Variants in MMAA observed in about 807,000 individuals in gnomAD.
The protein encoded by MMAA is methylmalonic aciduria type A protein, mitochondrial.
MMAA carries 41 observed loss-of-function variants against 45.0 expected under a neutral mutation model. The observed-to-expected ratio is 0.91, with a 90% CI of 0.71 to 1.18. The LOEUF is 1.18. MMAA is among the 50% of genes most tolerant of loss of function. The pLI is 0.00. For synonymous variants in MMAA, 154 were observed against 178.2 expected, an observed-to-expected ratio of 0.86 and a Z score of 1.08; for missense variants, 460 against 495.7, an observed-to-expected ratio of 0.93 and a Z score of 0.68.
intron 1 of MMAA, among the ~76,000 whole-genome samples, chr4:145,629,950 C>A (rs890531171): frequency 7.2e-5 from 11 of 152,082 alleles, no homozygotes; most frequent in Admixed American, 6.5e-4. Flanking sequence ...AGAGCCACAC[C>A]ATATCAAGCC....
At chr4:145,646,232 TG>T in intron 4 of MMAA, 76 bp downstream of exon 4, 2 of 1,557,436 alleles carry the variant, frequency 1.3e-6, no homozygotes, top group Non-Finnish European at 1.8e-6. Context: ...AACTTATTTT[TG>T]TTCATTCAGC....
chr4:145,649,592 CT>C (rs1728033222), intron 4 of MMAA, among the ~76,000 whole-genome samples: 1 of 152,178 alleles, frequency 6.6e-6, no homozygotes, highest in Non-Finnish European at 1.5e-5. Context: ...CATCTAATGA[CT>C]GTTGCTTTGA....
chr4:145,622,031 T>G (rs556024197), intron 1 of MMAA, among the ~76,000 whole-genome samples: 12 of 152,312 alleles, frequency 7.9e-5, no homozygotes, highest in Middle Eastern at 3.4e-3. Context: ...ATTCATTAAT[T>G]CTGTGAGCAA....
intron 1 of MMAA, chr4:145,625,858 G>C (rs1423496207): frequency 3.0e-6 from 4 of 1,340,742 alleles, no homozygotes; most frequent in African/African-American, 1.4e-5. Flanking sequence ...AGACGTTCCA[G>C]ATGACGGGTT....
chr4:145,639,820 T>TA (rs1727732408), intron 2 of MMAA: 2 of 984,680 alleles, frequency 2.0e-6, no homozygotes, highest in African/African-American at 3.5e-5. Context: ...TTGGCAAGAA[T>TA]CTTGCTCTGG....
chr4:145,621,070 A>G (rs1310054430), intron 1 of MMAA, among the ~76,000 whole-genome samples: 5 of 152,284 alleles, frequency 3.3e-5, no homozygotes, highest in Non-Finnish European at 7.4e-5. Flanking sequence ...GGGAGAGAGA[A>G]AAGAGGAAAG....
rs780082584 is a variant in MMAA, at chr4:145,639,432, GGGCCTGTTTAGCAGA to G, written c.298_312del (p.Cys100_Ala104del). 1.9e-6 allele frequency: 3 copies of G among 1,614,178 alleles called. No homozygotes were observed. In the South Asian group the frequency reaches 3.3e-5, roughly 18 times the overall value. ...TATACTGGTTTAATCCAAGGGCAAA[GGGCCTGTTTAGCAGA>G]GGCCATAACTCTTGTAGAATCAACT... On this transcript the variant is annotated inframe_deletion, in exon 2 of 7. Transcript: ENST00000649156.
chr4:145,653,839 G>C (rs1451797149), intron 5 of MMAA, among the ~76,000 whole-genome samples, 155 bp from the exon 6 acceptor site: 1 of 152,226 alleles, frequency 6.6e-6, no homozygotes, highest in Non-Finnish European at 1.5e-5. Flanking sequence ...CAATGCTTTT[G>C]AGTAATTTCT....
At position 145,659,821 on chromosome 4, in the gene MMAA, A is replaced by C. The variant is rs749167813; in HGVS notation, c.*4387A>C. ...TTTCTTTGTGGCGAGAACATTTAAAAATCCTATTTTCTAGCTATTTTGTAA... is the reference window on the plus strand; with the variant it reads ...TTTCTTTGTGGCGAGAACATTTAAACATCCTATTTTCTAGCTATTTTGTAA... On this transcript the variant is annotated 3_prime_UTR_variant, in exon 7 of 7. Coordinates refer to ENST00000649156, the MANE Select transcript of MMAA (RefSeq NM_172250.3). 6.6e-6 allele frequency: 1 copy of C among 152,114 alleles called. No homozygotes were observed. The highest frequency in any genetic ancestry group is 2.4e-5 in the African/African-American group (1 of 41,410). 9.4% of individuals were successfully genotyped at this position (152,114 alleles called of 1,614,324 possible).
chr4:145,625,768 G>A, intron 1 of MMAA: 1 of 1,256,298 alleles, frequency 8.0e-7, no homozygotes, highest in Non-Finnish European at 1.2e-6. Context: ...TAGAGCTGCT[G>A]AGCCTGCTGT....
chr4:145,640,843 C>A (rs564204297), intron 2 of MMAA, among the ~76,000 whole-genome samples: 1 of 151,900 alleles, frequency 6.6e-6, no homozygotes, highest in East Asian at 1.9e-4. Flanking sequence ...GAATGTCCCA[C>A]GGTGGTGAAC....
intron 1 of MMAA, among the ~76,000 whole-genome samples, chr4:145,628,045 A>G (rs1474847601): frequency 6.6e-6 from 1 of 152,222 alleles, no homozygotes; most frequent in African/African-American, 2.4e-5. Flanking sequence ...TAACACTGAT[A>G]GTCACAATAA....
At chr4:145,648,902 CCTGAGCCTG>C (rs1476920462) in intron 4 of MMAA, among the ~76,000 whole-genome samples, 1 of 152,092 alleles carries the variant, frequency 6.6e-6, no homozygotes, top group Non-Finnish European at 1.5e-5. Context: ...GGGAGGATCA[CCTGAGCCTG>C]GGGAGTCTGA....
rs192905818 is a variant in MMAA, at chr4:145,643,572, A to G, written c.562+1087A>G. Among the ~76,000 whole-genome samples, 251 of 152,288 alleles carry G rather than the reference A, an allele frequency of 1.6e-3. 1 individual carries two copies. The Middle Eastern group carries it at 0.031, about 19-fold the overall frequency. On this transcript the variant is annotated intron_variant, in intron 3 of 6. Transcript: ENST00000649156. Reference sequence around the variant, plus strand: ...ATCACCCCATTCCTATTATCATCCCATTGAGAAATCTAGCTCAGAACATTC... The same window carrying G: ...ATCACCCCATTCCTATTATCATCCCGTTGAGAAATCTAGCTCAGAACATTC...
intron 1 of MMAA, among the ~76,000 whole-genome samples, chr4:145,621,658 T>C (rs1734089526): frequency 6.6e-6 from 1 of 152,306 alleles, no homozygotes; most frequent in East Asian, 1.9e-4. Flanking sequence ...TCAAAAGTGA[T>C]TAGCATTGAG....
intron 1 of MMAA, among the ~76,000 whole-genome samples, chr4:145,634,466 C>G (rs1204571821): frequency 6.6e-6 from 1 of 152,030 alleles, no homozygotes; most frequent in Non-Finnish European, 1.5e-5. Context: ...GCAGTGGGCT[C>G]CCCTCTGGCC....
chr4:145,625,856 C>T (rs1734193756), intron 1 of MMAA: 1 of 1,332,724 alleles, frequency 7.5e-7, no homozygotes, highest in Non-Finnish European at 1.1e-6. Flanking sequence ...TAAGACGTTC[C>T]AGATGACGGG....
intron 1 of MMAA, among the ~76,000 whole-genome samples, chr4:145,630,208 T>C (rs1734304751): frequency 6.6e-6 from 1 of 152,232 alleles, no homozygotes; most frequent in South Asian, 2.1e-4. Flanking sequence ...GTTTTGGATT[T>C]CTTCATTGTT....
chr4:145,659,125 CTCTTTAACAAATGTTTTTCTT>C lies in MMAA; in HGVS notation c.*3694_*3714del, dbSNP rs1266239287. On this transcript the variant is annotated 3_prime_UTR_variant, in exon 7 of 7. Transcript: ENST00000649156. ...CCTTTAAAAGGAACAATCAGAAAAA[CTCTTTAACAAATGTTTTTCTT>C]TCCGTAGTATTTTAATTAAAATTTT... 1 of 152,150 alleles carries C rather than the reference CTCTTTAACAAATGTTTTTCTT, an allele frequency of 6.6e-6. No homozygotes were observed. Among genetic ancestry groups the C allele is most frequent in the Non-Finnish European group, 1.5e-5 (1 of 68,020 alleles). 9.4% of individuals were successfully genotyped at this position (152,150 alleles called of 1,614,324 possible).
Sources: gnomAD v4.1 joint callset for allele counts (sites outside exome capture counted in the v4.1 genomes callset) on GRCh38, gnomAD v4.1.1 for gene constraint, MANE v1.5 for transcripts, NCBI Gene and HGNC (gene_info 2026-07-23, HGNC 2026-07-21) for gene names.